Variants in ADARB2 observed in about 807,000 individuals in gnomAD.
The protein encoded by ADARB2 is adenosine deaminase RNA specific B2 (inactive), also known as inactive double-stranded RNA-specific editase B2.
A neutral mutation model predicts 62.2 loss-of-function variants in ADARB2; 25 were observed. The ratio of observed to expected loss-of-function variants is 0.40; its 90% CI spans 0.29 to 0.56. ADARB2 has a LOEUF of 0.56. Ranked by LOEUF, ADARB2 falls within the 20% of genes least tolerant of loss-of-function variation. The pLI, the probability that ADARB2 is intolerant of heterozygous loss-of-function variation, is 0.43. For missense variants in ADARB2, 1,071 were observed against 1,077.4 expected (o/e 0.99, Z 0.08); for synonymous variants, 572 against 500.8 (o/e 1.14, Z -1.90).
intron 1 of ADARB2, among the ~76,000 whole-genome samples, chr10:1,590,364 T>G (rs114633228): frequency 0.022 from 3,288 of 152,348 alleles, 111 homozygotes; most frequent in African/African-American, 0.069. Flanking sequence ...ACGAAGTTCA[T>G]TCCATAACGT....
At chr10:1,671,088 G>A (rs997996948) in intron 1 of ADARB2, among the ~76,000 whole-genome samples, 1 of 152,252 alleles carries the variant, frequency 6.6e-6, no homozygotes, top group South Asian at 2.1e-4. Context: ...TCCGTGCCGC[G>A]CATGCACATT....
intron 3 of ADARB2, among the ~76,000 whole-genome samples, chr10:1,325,225 C>CG (rs762482901): frequency 1.4e-4 from 22 of 152,246 alleles, no homozygotes; most frequent in Admixed American, 3.9e-4. Context: ...AGTCCTCTAC[C>CG]GGGGGGTCCC....
At chr10:1,343,001 A>C (rs1310235954) in intron 3 of ADARB2, among the ~76,000 whole-genome samples, 1 of 152,222 alleles carries the variant, frequency 6.6e-6, no homozygotes, top group Admixed American at 6.5e-5. Context: ...TGCAGACACA[A>C]GAACAGGGTG....
chr10:1,579,956 G>A (rs1250157661), intron 1 of ADARB2, among the ~76,000 whole-genome samples: 2 of 150,498 alleles, frequency 1.3e-5, no homozygotes, highest in Admixed American at 6.6e-5. Context: ...TTGAAGTCTT[G>A]TCTGTTCACC....
rs191113997 is a variant in ADARB2, at chr10:1,584,664, T to C, written c.100+152387A>G. On this transcript the variant is annotated intron_variant, in intron 1 of 9. Coordinates refer to ENST00000381312, the MANE Select transcript of ADARB2 (RefSeq NM_018702.4). ...TGGATGGTTGTAGGAGCTTTATCCATAACTGCCAAAACTTGGAGCGACCAA... is the reference window on the plus strand; with the variant it reads ...TGGATGGTTGTAGGAGCTTTATCCACAACTGCCAAAACTTGGAGCGACCAA... Among the ~76,000 whole-genome samples, 15 of 152,322 alleles carry C rather than the reference T, an allele frequency of 9.8e-5. 1 individual carries two copies. Among genetic ancestry groups the C allele is most frequent in the Admixed American group, 7.2e-4 (11 of 15,308 alleles).
intron 1 of ADARB2, among the ~76,000 whole-genome samples, chr10:1,616,138 A>G (rs779812596): frequency 6.6e-6 from 1 of 152,166 alleles, no homozygotes; most frequent in Non-Finnish European, 1.5e-5. Flanking sequence ...ATGTTGACTA[A>G]TTATACTTTT....
chr10:1,200,743 G>C (rs1836974658), intron 7 of ADARB2, among the ~76,000 whole-genome samples: 1 of 152,276 alleles, frequency 6.6e-6, no homozygotes, highest in East Asian at 1.9e-4. Context: ...AATGCCAAGA[G>C]CACTGACATT....
intron 1 of ADARB2, among the ~76,000 whole-genome samples, chr10:1,532,742 G>A (rs1053539526): frequency 1.3e-5 from 2 of 152,164 alleles, no homozygotes; most frequent in Non-Finnish European, 2.9e-5. Flanking sequence ...CTATGGCGCC[G>A]GGACTCTTCT....
intron 1 of ADARB2, among the ~76,000 whole-genome samples, chr10:1,578,790 G>A (rs10903493): frequency 0.9 from 137,189 of 151,996 alleles, 63,394 homozygotes; most frequent in Non-Finnish European, 1. Flanking sequence ...TTACAGACAT[G>A]TCCCCCCCAT....
intron 1 of ADARB2, among the ~76,000 whole-genome samples, chr10:1,543,135 T>G (rs551695063): frequency 6.6e-6 from 1 of 152,202 alleles, no homozygotes; most frequent in Non-Finnish European, 1.5e-5. Flanking sequence ...GCTTCCCTGC[T>G]CTCCCTGCTC....
intron 1 of ADARB2, among the ~76,000 whole-genome samples, chr10:1,623,527 C>A (rs1029432757): frequency 1.3e-5 from 2 of 152,174 alleles, no homozygotes; most frequent in African/African-American, 4.8e-5. Flanking sequence ...TTGTCACTAC[C>A]CATAGAATTC....
At chr10:1,561,411 A>G (rs1306092236) in intron 1 of ADARB2, among the ~76,000 whole-genome samples, 1 of 152,226 alleles carries the variant, frequency 6.6e-6, no homozygotes, top group Non-Finnish European at 1.5e-5. Flanking sequence ...TTGACTTCAT[A>G]CAGCATTCAA....
At chr10:1,685,783 AAGGTCC>A (rs2119121016) in intron 1 of ADARB2, among the ~76,000 whole-genome samples, 1 of 152,328 alleles carries the variant, frequency 6.6e-6, no homozygotes, top group African/African-American at 2.4e-5. Context: ...GGCTGGAATC[AAGGTCC>A]TGATGGAGAT....
chr10:1,679,143 C>T (rs534109530), intron 1 of ADARB2, among the ~76,000 whole-genome samples: 1 of 152,132 alleles, frequency 6.6e-6, no homozygotes, highest in South Asian at 2.1e-4. Flanking sequence ...TTCATCTTTC[C>T]GAAGATAACC....
intron 8 of ADARB2, among the ~76,000 whole-genome samples, chr10:1,185,511 A>AAAACC (rs1465387406): frequency 6.6e-6 from 1 of 152,138 alleles, no homozygotes; most frequent in Non-Finnish European, 1.5e-5. Context: ...AAAACAAAAC[A>AAAACC]AAACAATAAA....
intron 3 of ADARB2, among the ~76,000 whole-genome samples, chr10:1,288,151 T>C (rs1193400548): frequency 6.6e-6 from 1 of 152,242 alleles, no homozygotes; most frequent in African/African-American, 2.4e-5. Context: ...GGCTCGGCCA[T>C]GCCCAGAACG....
chr10:1,733,552 C>T (rs966542718), intron 1 of ADARB2, among the ~76,000 whole-genome samples: 1 of 152,130 alleles, frequency 6.6e-6, no homozygotes, highest in African/African-American at 2.4e-5. Context: ...GAATTATTGG[C>T]ATATTTTAAA....
rs1357611541 is a variant in ADARB2 at position 1,704,678 on chromosome 10, G to T, written c.100+32373C>A. On this transcript the variant is annotated intron_variant, in intron 1 of 9. Coordinates refer to ENST00000381312, the MANE Select transcript of ADARB2 (RefSeq NM_018702.4). The surrounding 1 kb of genome is among the most constrained non-coding windows in gnomAD (Gnocchi z 5.6). ...ATCTAACTCTGGGGTTTTGTGAGGG[G>T]TACATATAAAGTGGTTTGGAATCAT... is the stretch of plus-strand genomic sequence containing the variant. Among the ~76,000 whole-genome samples, 2 of 152,162 alleles carry T rather than the reference G, an allele frequency of 1.3e-5. No homozygotes were observed. Among genetic ancestry groups the T allele is most frequent in the Non-Finnish European group, 2.9e-5 (2 of 68,030 alleles).
At chr10:1,414,415 C>T (rs1226564453) in intron 1 of ADARB2, among the ~76,000 whole-genome samples, 1 of 152,196 alleles carries the variant, frequency 6.6e-6, no homozygotes, top group Non-Finnish European at 1.5e-5. Flanking sequence ...CATAAAATCC[C>T]TCGTGGCTTG....
Sources: allele counts gnomAD v4.1 joint callset (sites outside exome capture counted in the v4.1 genomes callset), GRCh38; gene constraint gnomAD v4.1.1; non-coding constraint Gnocchi (gnomAD v3.1); transcripts MANE v1.5; gene names NCBI Gene and HGNC (gene_info 2026-07-23, HGNC 2026-07-21).